Variants in LZTR1 observed in about 807,000 individuals in gnomAD.
LZTR1 encodes the protein leucine zipper like post translational regulator 1, also known as leucine-zipper-like transcriptional regulator 1.
In LZTR1, 260 loss-of-function variants were observed where a neutral mutation model predicts 105.7. The ratio of observed to expected loss-of-function variants is 2.46; its 90% CI spans 2.22 to 2.72. The LOEUF (loss-of-function observed/expected upper bound fraction) is 2.72, where lower values mean the gene tolerates loss of function less well. LZTR1 is among the 30% of genes most tolerant of loss of function. LZTR1 has a pLI of 0.00. For missense variants in LZTR1, 1,214 were observed against 1,166.9 expected, an observed-to-expected ratio of 1.04 and a Z score of -0.59; for synonymous variants, 490 against 476.4, an observed-to-expected ratio of 1.03 and a Z score of -0.37.
rs763044573 is a variant in LZTR1, at chr22:20,994,926, G to A, written c.1842G>A (p.Met614Ile). 2.5e-6 allele frequency: 4 copies of A among 1,613,378 alleles called. No homozygotes were observed. Among genetic ancestry groups the A allele is most frequent in the South Asian group, 2.2e-5 (2 of 91,086 alleles). ...KESHFNQVIMMKEFERLSSPL... is the reference protein window; with the variant it reads ...KESHFNQVIMIKEFERLSSPL... Reference sequence around the variant, plus strand: ...CCCACTTCAACCAGGTGATCATGATGAAGGAGTTCGAGCGCCTCTCCTCTC... The same window carrying A: ...CCCACTTCAACCAGGTGATCATGATAAAGGAGTTCGAGCGCCTCTCCTCTC... Residue 614 changes from methionine to isoleucine, a missense_variant, in exon 16 of 21, where the codon ATG becomes ATA. Coordinates refer to ENST00000646124, the MANE Select transcript of LZTR1 (RefSeq NM_006767.4).
chr22:20,990,746 TG>T, intron 8 of LZTR1: 2 of 530,374 alleles, frequency 3.8e-6, no homozygotes, highest in South Asian at 2.2e-5. Context: ...AGGAGGCCCC[TG>T]GCTAGGCCTC....
In LZTR1 at chr22:20,988,827, A is replaced by G. The variant is rs538624569; in HGVS notation, c.548A>G (p.Tyr183Cys). The G allele has an allele frequency of 1.2e-6, 2 of 1,614,088 alleles. No individual in the cohort carries two copies. The highest frequency in any genetic ancestry group is 1.7e-6 in the Non-Finnish European group (2 of 1,180,004). Residue 183 changes from tyrosine (Y) to cysteine (C), a missense_variant, in exon 6 of 21, where the codon TAC becomes TGC. Transcript: ENST00000646124. ...AGGTCAGCCCATGGGGCCACGGTGTACAGTGACAAGCTGTGGATCTTTGCT... is the reference window on the plus strand; with the variant it reads ...AGGTCAGCCCATGGGGCCACGGTGTGCAGTGACAAGCTGTGGATCTTTGCT... ...VARSAHGATV[Y>C]SDKLWIFAGY...
chr22:20,993,668 T>C lies in LZTR1; in HGVS notation c.1267T>C (p.Cys423Arg). ...CACTGGGCCCCTCTTGCAGTTCTCC[T>C]GTTACCCTAAATGCACGCTGCACGA... ...SGEMYRFQFS[C>R]YPKCTLHEDY... The change falls in exon 12 of 21, where the codon TGT becomes CGT. Residue 423 changes from cysteine (C) to arginine (R), a missense_variant. Physicochemically the swap from Cys to Arg is radical, Grantham distance 180. Transcript: ENST00000646124. The C allele has an allele frequency of 6.2e-7, 1 of 1,613,334 alleles. No homozygotes were observed. Among genetic ancestry groups the C allele is most frequent in the Non-Finnish European group, 8.5e-7 (1 of 1,179,772 alleles).
At chr22:20,996,519 A>T in intron 18 of LZTR1, 177 bp from the exon 19 acceptor site, 1 of 613,544 alleles carries the variant, frequency 1.6e-6, no homozygotes. Context: ...TCGGGAGGGG[A>T]TTCATGGTTT....
At chr22:20,985,928 T>G in intron 3 of LZTR1, 31 bp downstream of exon 3, 1 of 1,610,410 alleles carries the variant, frequency 6.2e-7, no homozygotes, top group South Asian at 1.1e-5. Flanking sequence ...GGGCCCTGCC[T>G]TTCCTCCTAG....
In LZTR1 at chr22:20,983,089, GGTGA is replaced by G. The variant is rs765081424; in HGVS notation, c.263+7_263+10del. 124 of 1,613,490 alleles carry G rather than the reference GGTGA, an allele frequency of 7.7e-5. 2 individuals are homozygous for G. The East Asian group carries it at 2.2e-3, about 28-fold the overall frequency. On this transcript the variant is annotated splice_donor_variant and splice_donor_region_variant and intron_variant, in intron 2 of 20. Coordinates refer to ENST00000646124, the MANE Select transcript of LZTR1 (RefSeq NM_006767.4). LOFTEE classifies it high-confidence loss of function. ...ATTTATGTATTTGGTGGAGACAATGGGTGAGTGAGTCTCAGCATCAGTGTTTGGA... is the reference window on the plus strand; with the variant it reads ...ATTTATGTATTTGGTGGAGACAATGGGTGAGTCTCAGCATCAGTGTTTGGA...
chr22:20,996,386 G>A lies in LZTR1; in HGVS notation c.2219+274G>A, dbSNP rs1924846249. The A allele has an allele frequency of 1.5e-5, 9 of 594,536 alleles. No individual in the cohort carries two copies. The South Asian group carries it at 1.8e-4, about 12-fold the overall frequency. The allele number at this position is 594,536 out of a possible 1,614,324, so 36.8% of individuals were successfully genotyped here. A position where few individuals can be genotyped will look rare whatever the true frequency, so the allele number is the denominator to read the frequency against. On this transcript the variant is annotated intron_variant, in intron 18 of 20. Transcript: ENST00000646124. ...TGGGTCATTGCTTTGTGTGACAGTT[G>A]AGCACAGACATGGAGGTACTCCTTA...
At position 20,991,642 on chromosome 22, in the gene LZTR1, C is replaced by G. The variant is rs755336991; in HGVS notation, c.806C>G (p.Pro269Arg). ...TGTACCCCCAGGTGGACACGCATCC[C>G]AACTGAACACCTGCTCCGGGGCTCC... is the stretch of plus-strand genomic sequence containing the variant. The part of the protein sequence containing the change: ...EFKDKTWTRI[P>R]TEHLLRGSPP... Residue 269 changes from proline to arginine, a missense_variant, in exon 9 of 21, where the codon CCA becomes CGA. Coordinates refer to ENST00000646124, the MANE Select transcript of LZTR1 (RefSeq NM_006767.4). The G allele has an allele frequency of 1.3e-6, 2 of 1,597,394 alleles. No individual in the cohort carries two copies. Among genetic ancestry groups the G allele is most frequent in the East Asian group, 2.2e-5 (1 of 44,582 alleles).
At chr22:20,989,475 C>T in intron 6 of LZTR1, 150 bp from the exon 7 acceptor site, 3 of 711,422 alleles carry the variant, frequency 4.2e-6, no homozygotes, top group South Asian at 3.0e-5. Flanking sequence ...GTGGCTGCCA[C>T]CCCACACAGA....
At chr22:20,987,901 G>A (rs1179199307) in intron 4 of LZTR1, 109 bp from the exon 5 acceptor site, 2 of 729,260 alleles carry the variant, frequency 2.7e-6, no homozygotes, top group Non-Finnish European at 4.8e-6. Flanking sequence ...TGTGGAAGGA[G>A]TCCTGGCTTA....
chr22:20,984,798 G>A (rs2035817534), intron 2 of LZTR1, among the ~76,000 whole-genome samples: 1 of 152,244 alleles, frequency 6.6e-6, no homozygotes, highest in Non-Finnish European at 1.5e-5. Context: ...GGCTGGGCAT[G>A]ACGGGGCACT....
In LZTR1 at chr22:20,982,534, C is replaced by G. The variant is rs1924233130; in HGVS notation, c.163C>G (p.Arg55Gly). 6.2e-7 allele frequency: 1 copy of G among 1,612,934 alleles called. No individual in the cohort carries two copies. The highest frequency in any genetic ancestry group is 8.5e-7 in the Non-Finnish European group (1 of 1,179,700). ...FGPFETVHRW[R>G]RLPPCDEFVG... ...GCCCTTCGAAACAGTGCATCGCTGG[C>G]GGCGCCTCCCGCCCTGCGACGAGTT... The change falls in exon 1 of 21, where the codon CGG becomes GGG. Residue 55 changes from arginine (R) to glycine (G), a missense_variant. Transcript: ENST00000646124.
intron 9 of LZTR1, 32 bp downstream of exon 9, chr22:20,991,861 A>G: frequency 3.3e-6 from 5 of 1,523,154 alleles, no homozygotes; most frequent in Non-Finnish European, 4.4e-6. Context: ...CTGACCTGCC[A>G]GCTGGACACC....
At chr22:20,995,456 A>G (rs1437439430) in intron 16 of LZTR1, 4 of 644,802 alleles carry the variant, frequency 6.2e-6, no homozygotes, top group African/African-American at 3.6e-5. Context: ...GAGGCCATGC[A>G]GTGGGCCTGG....
chr22:20,985,950 ACAGTGCTGGGTCC>A, intron 3 of LZTR1, 53 bp downstream of exon 3: 1 of 1,563,398 alleles, frequency 6.4e-7, no homozygotes, highest in South Asian at 1.1e-5. Context: ...ACACAGTGGC[ACAGTGCTGGGTCC>A]CAGTTGCTAG....
intron 4 of LZTR1, 97 bp downstream of exon 4, chr22:20,987,680 A>AC: frequency 2.7e-6 from 3 of 1,109,148 alleles, no homozygotes; most frequent in Non-Finnish European, 4.1e-6. Flanking sequence ...CGTGCTGTGT[A>AC]CAGCAGGGGC....
rs758238174 is a variant in LZTR1, at chr22:20,992,213, G to T, written c.994-1G>T. ...CATGCCCATGTGTCTCCCCTCTTCA[G>T]GTTGGTGGGGCTGAAGTGCCCGAGC... On this transcript the variant is annotated splice_acceptor_variant, in intron 9 of 20. Coordinates refer to ENST00000646124, the MANE Select transcript of LZTR1 (RefSeq NM_006767.4). LOFTEE classifies it high-confidence loss of function. The T allele has an allele frequency of 6.8e-6, 11 of 1,613,012 alleles. No homozygotes were observed. Among genetic ancestry groups the T allele is most frequent in the South Asian group, 1.1e-5 (1 of 91,016 alleles).
At chr22:20,989,731 G>A (rs776943419) in intron 7 of LZTR1, 49 bp downstream of exon 7, 3 of 317,210 alleles carry the variant, frequency 9.5e-6, no homozygotes, top group South Asian at 2.8e-5. Context: ...TGAGGGGCAC[G>A]GGGAGCCAGG....
chr22:20,990,667 G>A (rs1924576642), intron 8 of LZTR1, 142 bp downstream of exon 8: 3 of 875,836 alleles, frequency 3.4e-6, no homozygotes, highest in South Asian at 1.7e-5. Context: ...ACAGCCCGGA[G>A]CAGGGATGTG....
Sources: gnomAD v4.1 joint callset for allele counts (sites outside exome capture counted in the v4.1 genomes callset) on GRCh38, gnomAD v4.1.1 for gene constraint, MANE v1.5 for transcripts, NCBI Gene and HGNC (gene_info 2026-07-23, HGNC 2026-07-21) for gene names.